The following AADACL2 variants were observed in gnomAD, a reference collection of about 807,000 sequenced individuals.
AADACL2 encodes arylacetamide deacetylase-like 2.
In AADACL2, 23 loss-of-function variants were observed where a neutral mutation model predicts 22.3. The observed-to-expected ratio is 1.03, with a 90% CI of 0.74 to 1.46. The LOEUF is 1.46. Ranked by LOEUF, AADACL2 falls within the 40% of genes most tolerant of loss-of-function variation. The pLI is 0.00. For missense variants in AADACL2, 472 were observed against 482.9 expected (o/e 0.98, Z 0.21); for synonymous variants, 177 against 166.2 (o/e 1.07, Z -0.50).
rs765573928 is a variant in AADACL2, at chr3:151,757,513, A to T, written c.1125A>T (p.Ser375=). The T allele has an allele frequency of 3.1e-6, 5 of 1,613,584 alleles. No individual in the cohort carries two copies. In the Middle Eastern group the frequency reaches 6.6e-4, roughly 213 times the overall value. The change falls in exon 5 of 5, where the codon TCA becomes TCT. Residue 375 remains serine, a synonymous_variant. Transcript: ENST00000356517. ...HIEDGIHGAL[S]FMTSPFYLRL... The stretch of plus-strand genomic sequence containing the variant: ...AGGATGGAATTCATGGAGCTTTATC[A>T]TTCATGACTTCACCATTTTATTTAC...
chr3:151,757,224 A>T lies in AADACL2; in HGVS notation c.836A>T (p.Lys279Met). ...HMPLESRHLF[K>M]FVNWSILLPE... The stretch of plus-strand genomic sequence containing the variant: ...CCTCTGGAGTCAAGACATCTGTTTA[A>T]GTTTGTTAACTGGAGTATTCTTCTT... Residue 279 changes from lysine (K) to methionine (M), a missense_variant, in exon 5 of 5, where the codon AAG (lysine) becomes ATG (methionine). By Grantham distance (95) the Lys-to-Met change is moderately conservative. Around this residue, in one of 3 missense-constraint regions of AADACL2, gnomAD observed 356 missense variants for 365.5 expected, o/e 0.97. Transcript: ENST00000356517. 6.2e-7 allele frequency: 1 copy of T among 1,613,714 alleles called. No individual in the cohort carries two copies. The highest frequency in any genetic ancestry group is 8.5e-7 in the Non-Finnish European group (1 of 1,179,702).
At chr3:151,738,203 C>T (rs891441779) in intron 1 of AADACL2, among the ~76,000 whole-genome samples, 3 of 152,166 alleles carry the variant, frequency 2.0e-5, no homozygotes, top group Non-Finnish European at 2.9e-5. Flanking sequence ...GTGACAAAAT[C>T]CCTCAGCATT....
rs1713970069 is a variant in AADACL2 at position 151,757,442 on chromosome 3, A to G, written c.1054A>G (p.Thr352Ala). The G allele has an allele frequency of 3.1e-6, 5 of 1,613,532 alleles. No individual in the cohort carries two copies. In the South Asian group the frequency reaches 5.5e-5, roughly 18 times the overall value. ...AAGAGATGATGGACTTATGTATGTTACAAGACTTCGAAATGTTGGAGTCCA... is the reference window on the plus strand; with the variant it reads ...AAGAGATGATGGACTTATGTATGTTGCAAGACTTCGAAATGTTGGAGTCCA... ...LLRDDGLMYV[T>A]RLRNVGVQVV... Residue 352 changes from threonine (T) to alanine (A), a missense_variant, in exon 5 of 5, where the codon ACA becomes GCA. Around this residue, in one of 3 missense-constraint regions of AADACL2, gnomAD observed 113 missense variants for 100.9 expected, o/e 1.12. Coordinates refer to ENST00000356517, the MANE Select transcript of AADACL2 (RefSeq NM_207365.4).
At chr3:151,746,365 G>GTTTTTTTTTTTTTTTTTTTTTTTTTGT (rs11385894) in intron 4 of AADACL2, among the ~76,000 whole-genome samples, 1 of 136,970 alleles carries the variant, frequency 7.3e-6, no homozygotes, top group African/African-American at 2.7e-5. Context: ...TGTTTTTTTT[G>GTTTTTTTTTTTTTTTTTTTTTTTTTGT]TTTTTTTTTT....
intron 2 of AADACL2, among the ~76,000 whole-genome samples, chr3:151,741,488 CATCTGATG>C (rs1231478843): frequency 1.3e-5 from 2 of 152,090 alleles, no homozygotes; most frequent in Non-Finnish European, 2.9e-5. Flanking sequence ...ATGAGAGGGA[CATCTGATG>C]ATCTCTAGAG....
At chr3:151,749,994 C>T (rs985301148) in intron 4 of AADACL2, among the ~76,000 whole-genome samples, 1 of 151,988 alleles carries the variant, frequency 6.6e-6, no homozygotes, top group Non-Finnish European at 1.5e-5. Context: ...TCTATATGGC[C>T]TTTATTATGT....
chr3:151,738,355 G>C (rs1713163326), intron 1 of AADACL2, among the ~76,000 whole-genome samples: 1 of 152,192 alleles, frequency 6.6e-6, no homozygotes, highest in African/African-American at 2.4e-5. Context: ...AGTTTCTGCA[G>C]AGAAATCCAG....
At position 151,759,158 on chromosome 3, in the gene AADACL2, A is replaced by G. The variant is rs1009506880; in HGVS notation, c.*1564A>G. On this transcript the variant is annotated 3_prime_UTR_variant, in exon 5 of 5. Transcript: ENST00000356517. ...ATGGAGATTTGATACTATATGCTATACTACATACACTAAGAATATTGTATT... is the reference window on the plus strand; with the variant it reads ...ATGGAGATTTGATACTATATGCTATGCTACATACACTAAGAATATTGTATT... 2 of 152,132 alleles carry G rather than the reference A, an allele frequency of 1.3e-5. No homozygotes were observed. The highest frequency in any genetic ancestry group is 2.1e-4 in the South Asian group (1 of 4,828). 9.4% of individuals were successfully genotyped at this position (152,132 alleles called of 1,614,324 possible). A position where few individuals can be genotyped will look rare whatever the true frequency, so the allele number is the denominator to read the frequency against.
intron 2 of AADACL2, among the ~76,000 whole-genome samples, chr3:151,743,657 A>T (rs1328214549): frequency 6.6e-6 from 1 of 152,158 alleles, no homozygotes; most frequent in Non-Finnish European, 1.5e-5. Flanking sequence ...AATACATACT[A>T]TTACTTTCTT....
rs189527511 is a variant in AADACL2 at position 151,745,455 on chromosome 3, G to C, written c.432-54G>C. 2.6e-6 allele frequency: 4 copies of C among 1,537,348 alleles called. No homozygotes were observed. In the African/African-American group the frequency reaches 5.6e-5, roughly 22 times the overall value. On this transcript the variant is annotated intron_variant, in intron 3 of 4. Coordinates refer to ENST00000356517, the MANE Select transcript of AADACL2 (RefSeq NM_207365.4). The stretch of plus-strand genomic sequence containing the variant: ...ATTAAATTGCATCTATTTGGTATTT[G>C]AGAATTAGATGGACAGATACAACCA...
chr3:151,757,271 T>A lies in AADACL2; in HGVS notation c.883T>A (p.Tyr295Asn). Residue 295 changes from tyrosine to asparagine, a missense_variant, in exon 5 of 5, where the codon TAT becomes AAT. Physicochemically the swap from Tyr to Asn is moderately radical, Grantham distance 143. Transcript: ENST00000356517. ...ILLPEKYRKD[Y>N]VYTEPILGGL... Reference sequence around the variant, plus strand: ...TCTTCCTGAGAAGTATAGAAAAGACTATGTATATACTGAACCAATTCTTGG... The same window carrying A: ...TCTTCCTGAGAAGTATAGAAAAGACAATGTATATACTGAACCAATTCTTGG... 1.2e-6 allele frequency: 2 copies of A among 1,613,782 alleles called. No individual in the cohort carries two copies. Among genetic ancestry groups the A allele is most frequent in the Non-Finnish European group, 8.5e-7 (1 of 1,179,724 alleles).
chr3:151,757,190 CA>C lies in AADACL2; in HGVS notation c.804del (p.Gln268HisfsTer65), dbSNP rs1390620805. ...ACTTCCCTGGGCAATGAGAAGAAACCAACACATGCCTCTGGAGTCAAGACAT... is the reference window on the plus strand; with the variant it reads ...ACTTCCCTGGGCAATGAGAAGAAACCACACATGCCTCTGGAGTCAAGACAT... ...EALPWAMRRN[Q>X]HMPLESRHLF... On this transcript the variant is annotated frameshift_variant, in exon 5 of 5. Coordinates refer to ENST00000356517, the MANE Select transcript of AADACL2 (RefSeq NM_207365.4). LOFTEE classifies it low-confidence loss of function (END_TRUNC). 2 of 1,613,302 alleles carry C rather than the reference CA, an allele frequency of 1.2e-6. No individual in the cohort carries two copies. The highest frequency in any genetic ancestry group is 1.7e-5 in the Admixed American group (1 of 59,906).
chr3:151,745,309 T>C (rs1336336533), intron 3 of AADACL2, among the ~76,000 whole-genome samples, 200 bp from the exon 4 acceptor site: 2 of 152,178 alleles, frequency 1.3e-5, no homozygotes, highest in Non-Finnish European at 1.5e-5. Context: ...AATAATTCCA[T>C]TCATGGATTT....
chr3:151,738,811 C>T (rs1255238376), intron 1 of AADACL2, among the ~76,000 whole-genome samples: 1 of 152,226 alleles, frequency 6.6e-6, no homozygotes, highest in Admixed American at 6.5e-5. Flanking sequence ...GTATATGCCT[C>T]ACGAAGTTCT....
chr3:151,735,912 G>A (rs1231450577), intron 1 of AADACL2, among the ~76,000 whole-genome samples: 1 of 152,022 alleles, frequency 6.6e-6, no homozygotes, highest in Non-Finnish European at 1.5e-5. Context: ...GTTTTTTTAT[G>A]AGTAAACTGT....
At chr3:151,753,210 C>T (rs1358013250) in intron 4 of AADACL2, among the ~76,000 whole-genome samples, 1 of 152,178 alleles carries the variant, frequency 6.6e-6, no homozygotes, top group Non-Finnish European at 1.5e-5. Context: ...TGAAGTCCAT[C>T]AGAAGCAGAA....
chr3:151,755,795 G>GT (rs553865049), intron 4 of AADACL2, among the ~76,000 whole-genome samples: 13 of 152,148 alleles, frequency 8.5e-5, no homozygotes, highest in African/African-American at 2.4e-4. Flanking sequence ...TTCTCTGTTT[G>GT]TTTTTTTCCT....
Position 151,733,963 on chromosome 3 carries a change from C to A in AADACL2, c.-73C>A. The A allele has an allele frequency of 1.4e-6, 2 of 1,450,376 alleles. No individual in the cohort carries two copies. Among genetic ancestry groups the A allele is most frequent in the South Asian group, 2.8e-5 (2 of 71,896 alleles). 89.8% of individuals were successfully genotyped at this position (1,450,376 alleles called of 1,614,324 possible). ...GAGAGTTCCCAAGTCTACAATTGCTCTACTAGTTACTATTCAGTGTTTGTG... is the reference window on the plus strand; with the variant it reads ...GAGAGTTCCCAAGTCTACAATTGCTATACTAGTTACTATTCAGTGTTTGTG... On this transcript the variant is annotated 5_prime_UTR_variant, in exon 1 of 5. Coordinates refer to ENST00000356517, the MANE Select transcript of AADACL2 (RefSeq NM_207365.4).
At chr3:151,738,802 T>C (rs755245345) in intron 1 of AADACL2, among the ~76,000 whole-genome samples, 45 of 152,272 alleles carry the variant, frequency 3.0e-4, no homozygotes, top group Admixed American at 5.9e-4. Flanking sequence ...TTGATACTTG[T>C]ATATGCCTCA....
Sources: allele counts gnomAD v4.1 joint callset (sites outside exome capture counted in the v4.1 genomes callset), GRCh38; gene constraint gnomAD v4.1.1; regional missense constraint gnomAD v4.1.1; transcripts MANE v1.5; gene names NCBI Gene and HGNC (gene_info 2026-07-23, HGNC 2026-07-21).